BTRC: variants seen among roughly 807,000 people sequenced by gnomAD.
BTRC encodes F-box/WD repeat-containing protein 1A.
Under a neutral mutation model 85.5 loss-of-function variants are expected in BTRC, and 42 were observed. That is an observed-to-expected ratio of 0.49 (90% CI 0.38 to 0.64). The LOEUF (loss-of-function observed/expected upper bound fraction) is 0.64, where lower values mean the gene tolerates loss of function less well. BTRC is among the 30% of genes least tolerant of loss of function. BTRC has a pLI of 0.00. For synonymous variants in BTRC, 255 were observed against 263.3 expected (o/e 0.97, Z 0.30); for missense variants, 594 against 743.5 (o/e 0.80, Z 2.34).
chr10:101,357,234 A>G (rs988042268), intron 1 of BTRC, among the ~76,000 whole-genome samples: 4 of 151,768 alleles, frequency 2.6e-5, no homozygotes, highest in Non-Finnish European at 5.9e-5. Flanking sequence ...CGAGGTCAGG[A>G]GATTGAGACC....
chr10:101,389,262 G>T (rs1213709917), intron 1 of BTRC, among the ~76,000 whole-genome samples: 2 of 149,852 alleles, frequency 1.3e-5, no homozygotes, highest in African/African-American at 4.9e-5. Context: ...CAATTCACAA[G>T]ATTTTATCTG....
intron 1 of BTRC, among the ~76,000 whole-genome samples, chr10:101,366,960 TTATATAA>T (rs1942451153): frequency 3.3e-5 from 1 of 30,348 alleles, no homozygotes; most frequent in African/African-American, 9.2e-5. Context: ...ATATATATAT[TTATATAA>T]ATATATATTT....
At chr10:101,379,148 T>C (rs893762706) in intron 1 of BTRC, among the ~76,000 whole-genome samples, 3 of 152,224 alleles carry the variant, frequency 2.0e-5, no homozygotes, top group African/African-American at 7.2e-5. Flanking sequence ...GACATGGCAT[T>C]TTGAAAATCA....
At chr10:101,497,547 T>C (rs1214750941) in intron 4 of BTRC, among the ~76,000 whole-genome samples, 2 of 151,824 alleles carry the variant, frequency 1.3e-5, no homozygotes, top group African/African-American at 4.8e-5. Context: ...ATAAAAAATA[T>C]AAAAAAAATT....
In BTRC at chr10:101,367,047, TATATATATATAAATATAA is replaced by T. The variant is rs1942479521; in HGVS notation, c.48+12831_48+12848del. Among the ~76,000 whole-genome samples the T allele has an allele frequency of 9.3e-5, 9 of 96,336 alleles. 1 individual carries two copies. In the South Asian group the frequency reaches 1.6e-3, roughly 17 times the overall value. 63.2% of individuals were successfully genotyped at this position (96,336 alleles called of 152,430 possible). A position where few individuals can be genotyped will look rare whatever the true frequency, so the allele number is the denominator to read the frequency against. The stretch of plus-strand genomic sequence containing the variant: ...ATTTATATATTTATATATATAAATA[TATATATATATAAATATAA>T]ATATATATATATATATTTTTTTCGA... On this transcript the variant is annotated intron_variant, in intron 1 of 14. Transcript: ENST00000370187.
rs560517380 is a variant in BTRC, at chr10:101,442,379, A to G, written c.156+11927A>G. On this transcript the variant is annotated intron_variant, in intron 2 of 14. Transcript: ENST00000370187. ...ATGAGAGACATGACTGATGGTGTGT[A>G]CTGTGCTGCTATCTAATGGCAGCCT... Among the ~76,000 whole-genome samples, 12 of 151,620 alleles carry G rather than the reference A, an allele frequency of 7.9e-5. No homozygotes were observed. The South Asian group carries it at 2.1e-3, about 26-fold the overall frequency.
At chr10:101,421,113 C>T (rs1288252759) in intron 1 of BTRC, among the ~76,000 whole-genome samples, 1 of 151,750 alleles carries the variant, frequency 6.6e-6, no homozygotes, top group African/African-American at 2.4e-5. Flanking sequence ...TACTGTTCTT[C>T]TAGTCATTCA....
chr10:101,358,888 T>G (rs1942119440), intron 1 of BTRC, among the ~76,000 whole-genome samples: 1 of 152,028 alleles, frequency 6.6e-6, no homozygotes, highest in Non-Finnish European at 1.5e-5. Context: ...ATAGGAAGGG[T>G]GGCGTGCATA....
At chr10:101,429,481 G>T (rs10883650) in intron 1 of BTRC, among the ~76,000 whole-genome samples, 52,062 of 146,342 alleles carry the variant, frequency 0.36, 10,471 homozygotes, top group Middle Eastern at 0.47. Flanking sequence ...TCTAGGTGTC[G>T]TCTTCTTCCT....
intron 3 of BTRC, among the ~76,000 whole-genome samples, chr10:101,469,918 C>T (rs80121027): frequency 0.011 from 1,717 of 152,240 alleles, 16 homozygotes; most frequent in Middle Eastern, 0.027. Context: ...CTGTGTATAT[C>T]AGTAGTTTAT....
intron 4 of BTRC, among the ~76,000 whole-genome samples, chr10:101,518,192 G>A (rs898700441): frequency 1.3e-5 from 2 of 152,130 alleles, no homozygotes; most frequent in Non-Finnish European, 2.9e-5. Context: ...GATTACAGGC[G>A]TGAGCCACCG....
chr10:101,378,417 CTG>C (rs577108152), intron 1 of BTRC, among the ~76,000 whole-genome samples: 161 of 151,816 alleles, frequency 1.1e-3, no homozygotes, highest in African/African-American at 3.8e-3. Context: ...TTTTTAATGA[CTG>C]TGAGTTTTAC....
intron 4 of BTRC, among the ~76,000 whole-genome samples, chr10:101,507,715 A>G (rs185369110): frequency 1.3e-5 from 2 of 152,344 alleles, no homozygotes; most frequent in Admixed American, 1.3e-4. Flanking sequence ...GTGTCCTGAA[A>G]TGATTAGCAC....
chr10:101,376,974 G>A (rs1039460379), intron 1 of BTRC, among the ~76,000 whole-genome samples: 1 of 151,908 alleles, frequency 6.6e-6, no homozygotes, highest in African/African-American at 2.4e-5. Flanking sequence ...TTTTCTTAAT[G>A]TACACAGTTT....
At chr10:101,454,965 A>C (rs1206806131) in intron 2 of BTRC, among the ~76,000 whole-genome samples, 1 of 152,208 alleles carries the variant, frequency 6.6e-6, no homozygotes, top group Admixed American at 6.5e-5. Context: ...ATTTCATAGA[A>C]ATAAAGAGCC....
chr10:101,435,076 G>A (rs979633789), intron 2 of BTRC, among the ~76,000 whole-genome samples: 6 of 151,816 alleles, frequency 4.0e-5, no homozygotes, highest in African/African-American at 1.5e-4. Context: ...GGCAGAAACT[G>A]GATTTGAATC....
intron 2 of BTRC, among the ~76,000 whole-genome samples, chr10:101,444,359 A>T (rs1326719951): frequency 1.3e-5 from 2 of 152,186 alleles, no homozygotes; most frequent in Non-Finnish European, 2.9e-5. Context: ...TGGGGCTTCT[A>T]CTGAGGCTAT....
intron 13 of BTRC, among the ~76,000 whole-genome samples, chr10:101,540,602 G>A (rs920371810): frequency 2.6e-5 from 4 of 152,068 alleles, no homozygotes; most frequent in Non-Finnish European, 5.9e-5. Flanking sequence ...GATTTTTCAT[G>A]TTAATTTTAA....
At chr10:101,362,222 G>T (rs956203604) in intron 1 of BTRC, among the ~76,000 whole-genome samples, 2 of 152,114 alleles carry the variant, frequency 1.3e-5, no homozygotes, top group Non-Finnish European at 2.9e-5. Context: ...CTCCCAAAGT[G>T]CTGGGATTAC....
Sources: allele counts gnomAD v4.1 joint callset (sites outside exome capture counted in the v4.1 genomes callset), GRCh38; gene constraint gnomAD v4.1.1; transcripts MANE v1.5; gene names NCBI Gene and HGNC (gene_info 2026-07-23, HGNC 2026-07-21).